The following MYOF variants were observed in gnomAD, a reference collection of about 807,000 sequenced individuals.
The protein encoded by MYOF is fer-1-like 3, myoferlin.
Under a neutral mutation model 284.2 loss-of-function variants are expected in MYOF, and 244 were observed. That is an observed-to-expected ratio of 0.86 (90% CI 0.77 to 0.95). MYOF has a LOEUF of 0.95. Ranked by LOEUF, MYOF falls within the 40% of genes least tolerant of loss-of-function variation. The probability of loss-of-function intolerance (pLI) is 0.00; values close to 1 mark genes in which losing one functional copy is unlikely to be tolerated. For missense variants in MYOF, 2,496 were observed against 2,560.6 expected (o/e 0.97, Z 0.54); for synonymous variants, 904 against 919.7 (o/e 0.98, Z 0.31).
At chr10:93,394,059 A>G (rs1846830897) in intron 16 of MYOF, among the ~76,000 whole-genome samples, 1 of 151,978 alleles carries the variant, frequency 6.6e-6, no homozygotes, top group African/African-American at 2.4e-5. Context: ...ACCTTCTACC[A>G]TTTGCTTAAA....
Position 93,310,141 on chromosome 10 carries a change from A to G in MYOF, c.6026T>C (p.Phe2009Ser). The change falls in exon 53 of 54, where the codon TTC (phenylalanine) becomes TCC (serine). Residue 2009 changes from phenylalanine (F) to serine (S), a missense_variant. Transcript: ENST00000359263. The part of the protein sequence containing the change: ...PNRPETSFLW[F>S]TNPCKTMKFI... ...CTTCATGGTCTTGCATGGGTTGGTG[A>G]ACCAGAGGAAGGAGGTTTCTGGTCG... The G allele has an allele frequency of 6.2e-7, 1 of 1,614,166 alleles. No individual in the cohort carries two copies. The highest frequency in any genetic ancestry group is 1.1e-5 in the South Asian group (1 of 91,080).
intron 50 of MYOF, among the ~76,000 whole-genome samples, chr10:93,314,673 C>T (rs1208265927): frequency 1.5e-4 from 23 of 152,168 alleles, no homozygotes; most frequent in Admixed American, 1.5e-3. Flanking sequence ...TTTTGTCTCC[C>T]CTCTCCTTTT....
At chr10:93,350,567 C>A (rs1158151868) in intron 35 of MYOF, among the ~76,000 whole-genome samples, 2 of 152,202 alleles carry the variant, frequency 1.3e-5, no homozygotes, top group African/African-American at 4.8e-5. Flanking sequence ...CCTGCCTTGG[C>A]CTCCCAAAGT....
intron 5 of MYOF, among the ~76,000 whole-genome samples, chr10:93,417,543 A>T (rs558140188): frequency 6.6e-6 from 1 of 152,124 alleles, no homozygotes; most frequent in South Asian, 2.1e-4. Context: ...TCCCCAGTGC[A>T]TATCAATGTC....
chr10:93,456,833 C>T (rs17481945), intron 2 of MYOF, 49 bp downstream of exon 2: 313,300 of 1,384,192 alleles, frequency 0.23, 37,010 homozygotes, highest in Middle Eastern at 0.27. Context: ...ATAGGACAAT[C>T]AGAAATAGCT....
At chr10:93,388,148 T>G (rs929071776) in intron 18 of MYOF, among the ~76,000 whole-genome samples, 1 of 150,578 alleles carries the variant, frequency 6.6e-6, no homozygotes, top group Non-Finnish European at 1.5e-5. Flanking sequence ...CTGAAAAAGA[T>G]CTTAGCTGTG....
intron 51 of MYOF, 83 bp from the exon 52 acceptor site, chr10:93,310,726 C>G: frequency 7.8e-7 from 1 of 1,276,542 alleles, no homozygotes; most frequent in Non-Finnish European, 1.1e-6. Flanking sequence ...ATTCCCCGAG[C>G]AATGATTTTT....
chr10:93,347,098 G>A (rs565747765), intron 37 of MYOF, among the ~76,000 whole-genome samples: 47 of 152,168 alleles, frequency 3.1e-4, no homozygotes, highest in Non-Finnish European at 4.9e-4. Flanking sequence ...AAACAAGGCC[G>A]AGATTCCAGC....
At chr10:93,331,547 A>C (rs1174188939) in intron 43 of MYOF, among the ~76,000 whole-genome samples, 1 of 151,886 alleles carries the variant, frequency 6.6e-6, no homozygotes, top group African/African-American at 2.4e-5. Context: ...TGTCTCCCTC[A>C]CGGGAGCCCT....
intron 27 of MYOF, among the ~76,000 whole-genome samples, chr10:93,363,675 A>AAAC (rs111481469): frequency 0.046 from 7,060 of 152,244 alleles, 377 homozygotes; most frequent in African/African-American, 0.14. Flanking sequence ...AAAAACCCTC[A>AAAC]AACAACAACA....
intron 7 of MYOF, among the ~76,000 whole-genome samples, chr10:93,406,736 G>T (rs1847610823): frequency 6.6e-6 from 1 of 151,948 alleles, no homozygotes; most frequent in African/African-American, 2.4e-5. Context: ...AGAGGTTAGA[G>T]GTGAGAAGAA....
chr10:93,316,223 C>T (rs1842604589), intron 50 of MYOF, among the ~76,000 whole-genome samples: 1 of 151,872 alleles, frequency 6.6e-6, no homozygotes, highest in South Asian at 2.1e-4. Context: ...GAGCACAGTG[C>T]CATGGGGGGC....
At chr10:93,385,726 G>A (rs985193972) in intron 19 of MYOF, among the ~76,000 whole-genome samples, 4 of 152,022 alleles carry the variant, frequency 2.6e-5, no homozygotes, top group Non-Finnish European at 5.9e-5. Flanking sequence ...AAAAAGATGA[G>A]CTATTTTGCT....
At chr10:93,432,058 A>G (rs1196742077) in intron 3 of MYOF, among the ~76,000 whole-genome samples, 2 of 152,044 alleles carry the variant, frequency 1.3e-5, no homozygotes, top group Admixed American at 6.6e-5. Context: ...TGAAATTTCA[A>G]CAGTCATGAA....
At chr10:93,387,408 C>T (rs1846432566) in intron 19 of MYOF, among the ~76,000 whole-genome samples, 1 of 152,222 alleles carries the variant, frequency 6.6e-6, no homozygotes, top group Non-Finnish European at 1.5e-5. Flanking sequence ...GCGGGGTTCA[C>T]AGCCATTGCA....
chr10:93,441,561 CTTTTT>C (rs148461507), intron 3 of MYOF, among the ~76,000 whole-genome samples: 3 of 125,064 alleles, frequency 2.4e-5, no homozygotes, highest in Admixed American at 8.1e-5. Flanking sequence ...ATTTTTGTAT[CTTTTT>C]TTTTTTTTTT....
chr10:93,333,745 C>A lies in MYOF; in HGVS notation c.4719+13G>T. 6.2e-7 allele frequency: 1 copy of A among 1,613,360 alleles called. No homozygotes were observed. The highest frequency in any genetic ancestry group is 8.5e-7 in the Non-Finnish European group (1 of 1,179,408). ...TCTTGCTACAGGAGAAGGCCCCACA[C>A]CCAAACTCTTACCAGGCCATTGTTG... On this transcript the variant is annotated intron_variant, in intron 42 of 53. Transcript: ENST00000359263.
chr10:93,312,925 C>T, intron 51 of MYOF, 95 bp downstream of exon 51: 2 of 1,291,692 alleles, frequency 1.5e-6, no homozygotes, highest in South Asian at 1.7e-5. Flanking sequence ...TTAAAACTTC[C>T]TCATTTTATC....
Position 93,360,043 on chromosome 10 carries a change from C to T in MYOF, c.2975-65G>A, listed in dbSNP as rs1320639496. 43 of 1,588,748 alleles carry T rather than the reference C, an allele frequency of 2.7e-5. No individual in the cohort carries two copies. In the Admixed American group the frequency reaches 5.0e-4, roughly 19 times the overall value. ...ATTTGCCAGATCACCAAATAAACCTCGAGGAAACATTTGTTCACTCTCCCT... is the reference window on the plus strand; with the variant it reads ...ATTTGCCAGATCACCAAATAAACCTTGAGGAAACATTTGTTCACTCTCCCT... On this transcript the variant is annotated intron_variant, in intron 28 of 53. Coordinates refer to ENST00000359263, the MANE Select transcript of MYOF (RefSeq NM_013451.4).
Sources: gnomAD v4.1 joint callset for allele counts (sites outside exome capture counted in the v4.1 genomes callset) on GRCh38, gnomAD v4.1.1 for gene constraint, MANE v1.5 for transcripts, NCBI Gene and HGNC (gene_info 2026-07-23, HGNC 2026-07-21) for gene names.